Variants in VPS36 observed in about 807,000 individuals in gnomAD.
VPS36 encodes the protein vacuolar protein-sorting-associated protein 36.
VPS36 carries 31 observed loss-of-function variants against 63.5 expected under a neutral mutation model. The ratio of observed to expected loss-of-function variants is 0.49; its 90% CI spans 0.37 to 0.66. VPS36 has a LOEUF of 0.66. Ranked by LOEUF, VPS36 falls within the 30% of genes least tolerant of loss-of-function variation. The probability of loss-of-function intolerance (pLI) is 0.00; values close to 1 mark genes in which losing one functional copy is unlikely to be tolerated. For missense variants in VPS36, 338 were observed against 463.7 expected (o/e 0.73, Z 2.49); for synonymous variants, 138 against 157.2 (o/e 0.88, Z 0.91).
At chr13:52,429,345 T>G in intron 6 of VPS36, 1 of 960,552 alleles carries the variant, frequency 1.0e-6, no homozygotes, top group Non-Finnish European at 1.2e-6. Flanking sequence ...TCCTGGGTTC[T>G]TCTTATCCAT....
At chr13:52,426,323 T>C (rs1174517327) in intron 8 of VPS36, among the ~76,000 whole-genome samples, 3 of 152,176 alleles carry the variant, frequency 2.0e-5, no homozygotes, top group Admixed American at 2.0e-4. Flanking sequence ...ATTCAGAAAA[T>C]GCCTCTGCTA....
intron 6 of VPS36, among the ~76,000 whole-genome samples, chr13:52,430,442 C>A (rs1958143521): frequency 1.3e-5 from 2 of 152,054 alleles, no homozygotes; most frequent in Non-Finnish European, 2.9e-5. Context: ...ACCAGCCTTG[C>A]CAATATGGTG....
intron 1 of VPS36, among the ~76,000 whole-genome samples, chr13:52,444,447 A>G (rs1054181007): frequency 2.0e-5 from 3 of 150,284 alleles, no homozygotes; most frequent in South Asian, 2.1e-4. Flanking sequence ...GTGACAGAGC[A>G]AGACTCCGTT....
intron 4 of VPS36, among the ~76,000 whole-genome samples, chr13:52,435,140 T>C (rs541232627): frequency 4.6e-5 from 7 of 151,968 alleles, no homozygotes; most frequent in African/African-American, 1.7e-4. Flanking sequence ...CCCAGCTAAT[T>C]TTGTATTTTT....
At position 52,413,241 on chromosome 13, in the gene VPS36, C is replaced by A. The variant is rs1957963456; in HGVS notation, c.*2589G>T. ...CTCAGATTAATCTGGTAACAAGGAA[C>A]AAGAAAGAGTACATTCATCTGAATA... On this transcript the variant is annotated 3_prime_UTR_variant, in exon 14 of 14. Coordinates refer to ENST00000378060, the MANE Select transcript of VPS36 (RefSeq NM_016075.4). 6.6e-6 allele frequency: 1 copy of A among 152,140 alleles called. No homozygotes were observed. The highest frequency in any genetic ancestry group is 1.5e-5 in the Non-Finnish European group (1 of 68,016). 9.4% of individuals were successfully genotyped at this position (152,140 alleles called of 1,614,324 possible).
At chr13:52,417,558 C>G (rs1019491954) in intron 11 of VPS36, among the ~76,000 whole-genome samples, 34 of 152,280 alleles carry the variant, frequency 2.2e-4, no homozygotes, top group African/African-American at 7.7e-4. Context: ...CGGGGTTTCT[C>G]CATGTTGGTC....
chr13:52,418,403 C>T (rs1480377518), intron 10 of VPS36, among the ~76,000 whole-genome samples: 11 of 151,444 alleles, frequency 7.3e-5, no homozygotes, highest in Non-Finnish European at 1.2e-4. Flanking sequence ...GGTGAAACCC[C>T]GTCTCTACTA....
At position 52,423,573 on chromosome 13, in the gene VPS36, C is replaced by T; in HGVS notation, c.840+1G>A. 6.2e-7 allele frequency: 1 copy of T among 1,610,956 alleles called. No homozygotes were observed. Among genetic ancestry groups the T allele is most frequent in the Non-Finnish European group, 8.5e-7 (1 of 1,178,050 alleles). On this transcript the variant is annotated splice_donor_variant, in intron 10 of 13. Coordinates refer to ENST00000378060, the MANE Select transcript of VPS36 (RefSeq NM_016075.4). LOFTEE classifies it high-confidence loss of function. ...AGAGTATTTAAATTTTCTATCCTTA[C>T]TTCCATTCCTCGAGCTCGGTTTACT...
chr13:52,440,342 G>A (rs539841028), intron 2 of VPS36, among the ~76,000 whole-genome samples: 2 of 151,928 alleles, frequency 1.3e-5, no homozygotes, highest in African/African-American at 4.8e-5. Context: ...TGCCCAGGCT[G>A]GAGTGCAATG....
intron 1 of VPS36, 111 bp from the exon 2 acceptor site, chr13:52,442,556 A>G (rs1411832666): frequency 3.4e-6 from 3 of 885,076 alleles, no homozygotes; most frequent in Non-Finnish European, 5.1e-6. Context: ...CAAACATTTT[A>G]CTTTTAGAAT....
At chr13:52,416,598 A>C (rs988226905) in intron 12 of VPS36, among the ~76,000 whole-genome samples, 47 of 152,216 alleles carry the variant, frequency 3.1e-4, no homozygotes, top group African/African-American at 1.1e-3. Context: ...CAAGCATCCT[A>C]ATGAGTAATA....
chr13:52,418,573 CAAAAAAAAAAAA>C (rs1201650906), intron 10 of VPS36, among the ~76,000 whole-genome samples: 1 of 31,158 alleles, frequency 3.2e-5, no homozygotes, highest in African/African-American at 9.7e-5. Flanking sequence ...GACTCCATCT[CAAAAAAAAAAAA>C]AAAAAAAAAA....
In VPS36 at chr13:52,423,670, TTA is replaced by T. The variant is rs771607038; in HGVS notation, c.775-33_775-32del. On this transcript the variant is annotated intron_variant, in intron 9 of 13. Coordinates refer to ENST00000378060, the MANE Select transcript of VPS36 (RefSeq NM_016075.4). ...CAAATATGAAATTTTTAAAAAAGTATTATGTTACAATTACACCAGTTAGCATT... is the reference window on the plus strand; with the variant it reads ...CAAATATGAAATTTTTAAAAAAGTATTGTTACAATTACACCAGTTAGCATT... The T allele has an allele frequency of 1.3e-4, 202 of 1,570,472 alleles. 2 individuals are homozygous for T. The East Asian group carries it at 4.5e-3, about 35-fold the overall frequency.
intron 4 of VPS36, 154 bp downstream of exon 4, chr13:52,436,136 A>G (rs191595123): frequency 6.7e-4 from 350 of 526,256 alleles, no homozygotes; most frequent in African/African-American, 6.0e-3. Flanking sequence ...AAGGCTTAAG[A>G]TATAATAAAA....
chr13:52,436,456 C>T (rs1202209980), intron 3 of VPS36, 52 bp from the exon 4 acceptor site: 1 of 1,237,908 alleles, frequency 8.1e-7, no homozygotes. Context: ...AAAAATATAA[C>T]TAATTCTACT....
chr13:52,450,458 C>T (rs1182490529), intron 1 of VPS36, 41 bp downstream of exon 1: 4 of 1,564,410 alleles, frequency 2.6e-6, no homozygotes, highest in South Asian at 1.2e-5. Flanking sequence ...CACCGGGGGT[C>T]CCTTCCGCCA....
chr13:52,423,453 T>G, intron 10 of VPS36, 121 bp downstream of exon 10: 6 of 765,970 alleles, frequency 7.8e-6, no homozygotes, highest in Non-Finnish European at 1.3e-5. Context: ...ATTCTTTCAC[T>G]GTACCACAGT....
intron 9 of VPS36, among the ~76,000 whole-genome samples, chr13:52,424,861 G>A (rs879450276): frequency 1.8e-4 from 28 of 152,060 alleles, no homozygotes; most frequent in Admixed American, 1.3e-3. Context: ...GGTGGTGGGC[G>A]CCTGTAATCC....
chr13:52,441,353 T>C (rs1958274419), intron 2 of VPS36, among the ~76,000 whole-genome samples: 1 of 152,184 alleles, frequency 6.6e-6, no homozygotes, highest in Non-Finnish European at 1.5e-5. Flanking sequence ...ATAGCTATCT[T>C]ACTGGCAACA....
Sources: allele counts gnomAD v4.1 joint callset (sites outside exome capture counted in the v4.1 genomes callset), GRCh38; gene constraint gnomAD v4.1.1; transcripts MANE v1.5; gene names NCBI Gene and HGNC (gene_info 2026-07-23, HGNC 2026-07-21).